The following DNAJC16 variants were observed in gnomAD, a reference collection of about 807,000 sequenced individuals.
DNAJC16 encodes DnaJ heat shock protein family (Hsp40) member C16.
A neutral mutation model predicts 92.7 loss-of-function variants in DNAJC16; 76 were observed. The ratio of observed to expected loss-of-function variants is 0.82; its 90% CI spans 0.68 to 0.99. The LOEUF is 0.99. Among genes scored for constraint, DNAJC16 ranks in the 50% least tolerant of loss-of-function variants. DNAJC16 has a pLI of 0.00. For synonymous variants in DNAJC16, 328 were observed against 358.7 expected, an observed-to-expected ratio of 0.91 and a Z score of 0.97; for missense variants, 869 against 942.4, an observed-to-expected ratio of 0.92 and a Z score of 1.02.
At position 15,565,969 on chromosome 1, in the gene DNAJC16, T is replaced by G; in HGVS notation, c.1649T>G (p.Leu550Arg). ...CTGATCTTCTCTGCCCTCTTCATCC[T>G]CTTCGGCACTGTCATCGTTCAGGCT... ...LSLIFSALFILFGTVIVQAFS... is the reference protein window; with the variant it reads ...LSLIFSALFIRFGTVIVQAFS... Residue 550 changes from leucine (L) to arginine (R), a missense_variant, in exon 12 of 15, where the codon CTC (leucine) becomes CGC (arginine). Leu to Arg is a moderately radical substitution (Grantham distance 102, BLOSUM62 -2). Coordinates refer to ENST00000375847, the MANE Select transcript of DNAJC16 (RefSeq NM_015291.4). 1 of 1,614,082 alleles carries G rather than the reference T, an allele frequency of 6.2e-7. No individual in the cohort carries two copies. Among genetic ancestry groups the G allele is most frequent in the Non-Finnish European group, 8.5e-7 (1 of 1,180,020 alleles).
At chr1:15,539,982 G>A (rs959563065) in intron 4 of DNAJC16, among the ~76,000 whole-genome samples, 2 of 151,792 alleles carry the variant, frequency 1.3e-5, no homozygotes, top group African/African-American at 2.4e-5. Context: ...AGCCAAGATC[G>A]AGTCACCGCA....
At chr1:15,564,500 C>T (rs1303650156) in intron 11 of DNAJC16, 141 bp downstream of exon 11, 2 of 613,562 alleles carry the variant, frequency 3.3e-6, no homozygotes, top group Admixed American at 6.2e-5. Flanking sequence ...ATTTTCTATT[C>T]CCCTTTTTCT....
intron 2 of DNAJC16, among the ~76,000 whole-genome samples, chr1:15,529,823 C>T (rs1036321311): frequency 6.6e-6 from 1 of 152,074 alleles, no homozygotes; most frequent in African/African-American, 2.4e-5. Context: ...TCATTGGATG[C>T]TCAAGTCCCT....
At position 15,543,348 on chromosome 1, in the gene DNAJC16, C is replaced by T. The variant is rs950116701; in HGVS notation, c.575-1051C>T. Among the ~76,000 whole-genome samples, 5 of 152,202 alleles carry T rather than the reference C, an allele frequency of 3.3e-5. No individual in the cohort carries two copies. In the South Asian group the frequency reaches 8.3e-4, roughly 25 times the overall value. On this transcript the variant is annotated intron_variant, in intron 4 of 14. Transcript: ENST00000375847. ...AAAGAAGTCAGCTACGCAGAAGTCA[C>T]GGAGATGCACACTTCAGGCTGAAGG...
intron 6 of DNAJC16, 44 bp downstream of exon 6, chr1:15,546,915 C>A (rs373120804): frequency 1.4e-4 from 131 of 907,368 alleles, no homozygotes; most frequent in Non-Finnish European, 1.9e-4. Flanking sequence ...CTTTTCTTTT[C>A]TTTTTTTTTT....
intron 7 of DNAJC16, among the ~76,000 whole-genome samples, chr1:15,549,817 C>CAAAA (rs777127254): frequency 3.6e-5 from 2 of 56,334 alleles, no homozygotes; most frequent in African/African-American, 6.1e-5. Flanking sequence ...GACTCCGTCT[C>CAAAA]AAAAAAAAAA....
intron 7 of DNAJC16, among the ~76,000 whole-genome samples, chr1:15,556,968 A>G (rs1041764676): frequency 8.5e-5 from 13 of 152,232 alleles, no homozygotes; most frequent in Non-Finnish European, 1.8e-4. Context: ...TCTTTAATCT[A>G]TATTGTGCTA....
intron 8 of DNAJC16, among the ~76,000 whole-genome samples, chr1:15,561,460 G>A (rs1411207306): frequency 3.3e-5 from 5 of 152,120 alleles, no homozygotes; most frequent in Non-Finnish European, 5.9e-5. Flanking sequence ...TGAGGCAGGC[G>A]GATCACTTGA....
chr1:15,555,759 G>A (rs1211455986), intron 7 of DNAJC16, among the ~76,000 whole-genome samples: 1 of 150,288 alleles, frequency 6.7e-6, no homozygotes, highest in Non-Finnish European at 1.5e-5. Context: ...AGGCCAAGTC[G>A]GGTGGATCAG....
intron 5 of DNAJC16, among the ~76,000 whole-genome samples, 157 bp downstream of exon 5, chr1:15,544,740 G>A (rs952942801): frequency 1.7e-4 from 26 of 152,230 alleles, no homozygotes; most frequent in Middle Eastern, 3.4e-3. Flanking sequence ...AAACTAAATC[G>A]TTTAAGTGAA....
Position 15,548,153 on chromosome 1 carries a change from G to A in DNAJC16, c.865-117G>A, listed in dbSNP as rs942131418. On this transcript the variant is annotated intron_variant, in intron 6 of 14. Transcript: ENST00000375847. Reference sequence around the variant, plus strand: ...ATACAAGGATACGGAAGACCTAGTGGAGCTGTGTAAGCTGGCATGTACCTC... The same window carrying A: ...ATACAAGGATACGGAAGACCTAGTGAAGCTGTGTAAGCTGGCATGTACCTC... The A allele has an allele frequency of 9.3e-5, 84 of 901,972 alleles. 1 individual carries two copies. The highest frequency in any genetic ancestry group is 1.2e-4 in the African/African-American group (7 of 59,702). 55.9% of individuals were successfully genotyped at this position (901,972 alleles called of 1,614,324 possible).
intron 7 of DNAJC16, among the ~76,000 whole-genome samples, chr1:15,551,158 C>G (rs1403816663): frequency 6.6e-6 from 1 of 152,222 alleles, no homozygotes; most frequent in African/African-American, 2.4e-5. Flanking sequence ...GCGTGAGCCT[C>G]CGTGCCCGGC....
rs1291145761 is a variant in DNAJC16 at position 15,571,458 on chromosome 1, C to A, written c.*3281C>A. On this transcript the variant is annotated 3_prime_UTR_variant, in exon 15 of 15. Coordinates refer to ENST00000375847, the MANE Select transcript of DNAJC16 (RefSeq NM_015291.4). ...CACATCCACCTGTCTGACATTGTCC[C>A]CTAAAAACAAGTGCAGTGTGGCAGC... 6.6e-6 allele frequency: 1 copy of A among 152,564 alleles called. No individual in the cohort carries two copies. Among genetic ancestry groups the A allele is most frequent in the African/African-American group, 2.4e-5 (1 of 41,418 alleles). The allele number at this position is 152,564 out of a possible 1,614,324, so 9.5% of individuals were successfully genotyped here. A position where few individuals can be genotyped will look rare whatever the true frequency, so the allele number is the denominator to read the frequency against.
chr1:15,564,296 G>A lies in DNAJC16; in HGVS notation c.1535G>A (p.Arg512Gln), dbSNP rs753607084. The A allele has an allele frequency of 9.3e-6, 15 of 1,609,278 alleles. No homozygotes were observed. The African/African-American group carries it at 1.6e-4, about 17-fold the overall frequency. ...TDELAPVFLL[R>Q]WFYSASDYIS... is the part of the protein sequence containing the mutation. ...CTCTCTACATAGGTTTTTCTCCTTC[G>A]ATGGTTCTACTCTGCTTCTGACTAC... is the stretch of plus-strand genomic sequence containing the variant. Residue 512 changes from arginine (R) to glutamine (Q), a missense_variant, in exon 11 of 15, where the codon CGA (arginine) becomes CAA (glutamine). Physicochemically the swap from Arg to Gln is conservative, Grantham distance 43 (BLOSUM62 1). Coordinates refer to ENST00000375847, the MANE Select transcript of DNAJC16 (RefSeq NM_015291.4).
chr1:15,564,227 A>G, intron 10 of DNAJC16, 56 bp from the exon 11 acceptor site: 9 of 1,527,256 alleles, frequency 5.9e-6, no homozygotes, highest in Non-Finnish European at 8.2e-6. Context: ...TGCAGGGTAG[A>G]GGGACTCTCC....
At chr1:15,539,544 C>T (rs1710882218) in intron 4 of DNAJC16, among the ~76,000 whole-genome samples, 1 of 148,640 alleles carries the variant, frequency 6.7e-6, no homozygotes, top group African/African-American at 2.5e-5. Flanking sequence ...CCACGCCTGG[C>T]TTTTTTTTTT....
chr1:15,563,151 A>C (rs933563681), intron 9 of DNAJC16, among the ~76,000 whole-genome samples: 8 of 152,046 alleles, frequency 5.3e-5, no homozygotes, highest in African/African-American at 1.7e-4. Context: ...GTTTCCATTA[A>C]TATTAAGTCA....
At chr1:15,555,667 G>C (rs1448629718) in intron 7 of DNAJC16, among the ~76,000 whole-genome samples, 5 of 143,320 alleles carry the variant, frequency 3.5e-5, no homozygotes, top group African/African-American at 1.3e-4. Flanking sequence ...GGGCGACAGA[G>C]TGAGACTCCG....
At chr1:15,528,907 T>G (rs1338531620) in intron 1 of DNAJC16, among the ~76,000 whole-genome samples, 181 bp from the exon 2 acceptor site, 1 of 152,216 alleles carries the variant, frequency 6.6e-6, no homozygotes, top group Non-Finnish European at 1.5e-5. Flanking sequence ...TTCTCATTTG[T>G]GATATTCAAA....
Sources: allele counts gnomAD v4.1 joint callset (sites outside exome capture counted in the v4.1 genomes callset), GRCh38; gene constraint gnomAD v4.1.1; transcripts MANE v1.5; gene names NCBI Gene and HGNC (gene_info 2026-07-23, HGNC 2026-07-21).